The following NRF1 variants were observed in gnomAD, a reference collection of about 807,000 sequenced individuals.
NRF1 encodes the protein alpha palindromic-binding protein.
NRF1 carries 5 observed loss-of-function variants against 58.5 expected under a neutral mutation model. The ratio of observed to expected loss-of-function variants is 0.09; its 90% confidence interval spans 0.04 to 0.18. The LOEUF is 0.18. Among genes scored for constraint, NRF1 ranks in the 10% least tolerant of loss-of-function variants. The pLI is 1.00. For synonymous variants in NRF1, 224 were observed against 246.7 expected, an observed-to-expected ratio of 0.91 and a Z score of 0.86; for missense variants, 288 against 657.7, an observed-to-expected ratio of 0.44 and a Z score of 6.15.
intron 1 of NRF1, among the ~76,000 whole-genome samples, chr7:129,643,938 G>C (rs368186200): frequency 2.0e-5 from 3 of 152,174 alleles, no homozygotes; most frequent in African/African-American, 7.2e-5. Flanking sequence ...CTGTCTGCGC[G>C]TTCATTGATG....
intron 5 of NRF1, among the ~76,000 whole-genome samples, 178 bp downstream of exon 5, chr7:129,690,724 C>T (rs1802546940): frequency 6.6e-6 from 1 of 152,088 alleles, no homozygotes; most frequent in Non-Finnish European, 1.5e-5. Flanking sequence ...CAGAAAAGTG[C>T]TCCCAACCAA....
At chr7:129,734,657 C>T (rs1477347928) in intron 10 of NRF1, among the ~76,000 whole-genome samples, 1 of 152,214 alleles carries the variant, frequency 6.6e-6, no homozygotes, top group Non-Finnish European at 1.5e-5. Context: ...GGTCTGTATG[C>T]TTCTCCGGTT....
At chr7:129,717,410 G>A (rs1318725582) in intron 9 of NRF1, 34 bp downstream of exon 9, 12 of 1,578,080 alleles carry the variant, frequency 7.6e-6, no homozygotes, top group East Asian at 4.5e-5. Flanking sequence ...AGTGAGGATC[G>A]CAAATCTGTC....
At chr7:129,696,296 C>T (rs1248221672) in intron 5 of NRF1, among the ~76,000 whole-genome samples, 1 of 152,054 alleles carries the variant, frequency 6.6e-6, no homozygotes, top group Admixed American at 6.6e-5. Flanking sequence ...AATGTTTCTG[C>T]TTTGTTTTAC....
At chr7:129,719,497 AACACACACACACACACAC>A (rs67443980) in intron 9 of NRF1, among the ~76,000 whole-genome samples, 72,910 of 141,962 alleles carry the variant, frequency 0.51, 18,481 homozygotes, top group East Asian at 0.71. Context: ...AGGAAACTGA[AACACACACACACACACAC>A]ACACACACAC....
rs1584613437 is a variant in NRF1, at chr7:129,657,255, CCT to C, written c.-6-88_-6-87del. 3 of 929,992 alleles carry C rather than the reference CCT, an allele frequency of 3.2e-6. No homozygotes were observed. The East Asian group carries it at 7.8e-5, about 24-fold the overall frequency. 57.6% of individuals were successfully genotyped at this position (929,992 alleles called of 1,614,324 possible). On this transcript the variant is annotated intron_variant, in intron 1 of 10. Coordinates refer to ENST00000393232, the MANE Select transcript of NRF1 (RefSeq NM_005011.5). ...GTGAAATTGGAATTTTGTCAAGGTT[CCT>C]CTGCTCTTGAATAAAATATCTCTTA... is the stretch of plus-strand genomic sequence containing the variant.
intron 1 of NRF1, among the ~76,000 whole-genome samples, chr7:129,644,071 C>A (rs1801352967): frequency 6.6e-6 from 1 of 152,202 alleles, no homozygotes; most frequent in Non-Finnish European, 1.5e-5. Context: ...GATGCCTGCC[C>A]CATGTCCTTG....
chr7:129,650,323 G>A (rs1801506758), intron 1 of NRF1, among the ~76,000 whole-genome samples: 1 of 151,970 alleles, frequency 6.6e-6, no homozygotes, highest in Admixed American at 6.6e-5. Context: ...TCAGTTCAGA[G>A]GAATCACTCT....
chr7:129,643,742 A>G (rs1340180995), intron 1 of NRF1, among the ~76,000 whole-genome samples: 1 of 152,238 alleles, frequency 6.6e-6, no homozygotes, highest in African/African-American at 2.4e-5. Context: ...TCATTCAGGC[A>G]GTGTGCCAGA....
chr7:129,619,344 A>G (rs1013140673), intron 1 of NRF1, among the ~76,000 whole-genome samples: 2 of 141,492 alleles, frequency 1.4e-5, no homozygotes, highest in African/African-American at 5.3e-5. Flanking sequence ...AAGACCTCGT[A>G]TCTATTAAAA....
Position 129,671,548 on chromosome 7 carries a change from G to C in NRF1, c.338+5G>C. 6.9e-7 allele frequency: 1 copy of C among 1,456,680 alleles called. No homozygotes were observed. The highest frequency in any genetic ancestry group is 9.7e-7 in the Non-Finnish European group (1 of 1,036,128). The allele number at this position is 1,456,680 out of a possible 1,614,324, so 90.2% of individuals were successfully genotyped here. On this transcript the variant is annotated splice_donor_5th_base_variant and intron_variant, in intron 3 of 10. Transcript: ENST00000393232. ...GCAACAAACACGTTTGCTTCGGTGA[G>C]GGCTCCCTTATCCATATTGTTACTA...
rs1016553312 is a variant in NRF1, at chr7:129,755,595, A to C, written c.*414A>C. ...AAACCCGCATGGAATTATCTGTATG[A>C]AATCAAGGTGCGCTGTGGAAACAAT... On this transcript the variant is annotated 3_prime_UTR_variant, in exon 11 of 11. Transcript: ENST00000393232. The surrounding 1 kb of genome is among the most constrained non-coding windows in gnomAD (Gnocchi z 5.8). The C allele has an allele frequency of 3.9e-5, 6 of 152,110 alleles. No homozygotes were observed. The East Asian group carries it at 9.6e-4, about 24-fold the overall frequency. 9.4% of individuals were successfully genotyped at this position (152,110 alleles called of 1,614,324 possible). A position where few individuals can be genotyped will look rare whatever the true frequency, so the allele number is the denominator to read the frequency against.
At chr7:129,650,790 G>C (rs1463353275) in intron 1 of NRF1, among the ~76,000 whole-genome samples, 1 of 151,942 alleles carries the variant, frequency 6.6e-6, no homozygotes, top group African/African-American at 2.4e-5. Context: ...TTGTCCAGGG[G>C]TTCTGGATAT....
intron 2 of NRF1, among the ~76,000 whole-genome samples, chr7:129,666,640 T>C (rs899804343): frequency 6.6e-6 from 1 of 152,172 alleles, no homozygotes; most frequent in Admixed American, 6.5e-5. Context: ...CAAGCAATTC[T>C]CCTGCCTCAG....
intron 1 of NRF1, among the ~76,000 whole-genome samples, chr7:129,656,120 G>GTT (rs11329613): frequency 0.025 from 3,679 of 146,534 alleles, 52 homozygotes; most frequent in Middle Eastern, 0.076. Flanking sequence ...TTCTATTTTT[G>GTT]TTTTTTTTTT....
At chr7:129,623,558 T>G (rs952571934) in intron 1 of NRF1, among the ~76,000 whole-genome samples, 1 of 152,174 alleles carries the variant, frequency 6.6e-6, no homozygotes, top group Non-Finnish European at 1.5e-5. Context: ...CTTAAAAAAT[T>G]TATATGGTAG....
chr7:129,700,647 G>GT (rs1281935387), intron 5 of NRF1, among the ~76,000 whole-genome samples: 4 of 152,236 alleles, frequency 2.6e-5, no homozygotes, highest in Admixed American at 2.0e-4. Flanking sequence ...GCCAGATGTG[G>GT]TGGCCCATGC....
chr7:129,638,777 C>A (rs1190075155), intron 1 of NRF1, among the ~76,000 whole-genome samples: 2 of 152,062 alleles, frequency 1.3e-5, no homozygotes, highest in African/African-American at 4.8e-5. Flanking sequence ...TTCTCCCCTC[C>A]TTCTGTGAGT....
chr7:129,691,273 C>T (rs963074422), intron 5 of NRF1, among the ~76,000 whole-genome samples: 1 of 151,866 alleles, frequency 6.6e-6, no homozygotes, highest in African/African-American at 2.4e-5. Flanking sequence ...ATGAAATTAT[C>T]CCCTTTATAT....
Sources: gnomAD v4.1 joint callset for allele counts (sites outside exome capture counted in the v4.1 genomes callset) on GRCh38, gnomAD v4.1.1 for gene constraint, Gnocchi (gnomAD v3.1) non-coding constraint, MANE v1.5 for transcripts, NCBI Gene and HGNC (gene_info 2026-07-23, HGNC 2026-07-21) for gene names.